SUMF1: variants seen among roughly 807,000 people sequenced by gnomAD.
SUMF1 encodes sulfatase modifying factor 1.
A neutral mutation model predicts 47.6 loss-of-function variants in SUMF1; 48 were observed. The ratio of observed to expected loss-of-function variants is 1.01; its 90% CI spans 0.80 to 1.28. The LOEUF (loss-of-function observed/expected upper bound fraction) is 1.28, where lower values mean the gene tolerates loss of function less well. Ranked by LOEUF, SUMF1 falls within the 50% of genes most tolerant of loss-of-function variation. The pLI is 0.00. For missense variants in SUMF1, 571 were observed against 485.4 expected, an observed-to-expected ratio of 1.18 and a Z score of -1.66; for synonymous variants, 230 against 192.1, an observed-to-expected ratio of 1.20 and a Z score of -1.63.
At chr3:4,205,498 A>G (rs1695631711) in intron 8 of SUMF1, among the ~76,000 whole-genome samples, 1 of 152,180 alleles carries the variant, frequency 6.6e-6, no homozygotes, top group Non-Finnish European at 1.5e-5. Context: ...ATGTCTGTGC[A>G]TTAAAGAGCT....
At chr3:4,218,104 C>G (rs1695978151) in intron 8 of SUMF1, among the ~76,000 whole-genome samples, 1 of 151,666 alleles carries the variant, frequency 6.6e-6, no homozygotes, top group African/African-American at 2.4e-5. Flanking sequence ...CTTTATTTTA[C>G]TTCTTTAAAA....
chr3:4,052,447 C>T (rs140494702), intron 9 of SUMF1, among the ~76,000 whole-genome samples: 23 of 152,318 alleles, frequency 1.5e-4, no homozygotes, highest in Admixed American at 1.2e-3. Flanking sequence ...GGCTAGCCCA[C>T]TGCTCTGGAC....
chr3:4,115,199 G>A (rs528343369), intron 8 of SUMF1, among the ~76,000 whole-genome samples: 1 of 152,158 alleles, frequency 6.6e-6, no homozygotes, highest in African/African-American at 2.4e-5. Flanking sequence ...ACAGCAGGAC[G>A]ACATGGAATT....
chr3:4,365,417 A>G (rs1445262636), intron 8 of SUMF1, among the ~76,000 whole-genome samples: 1 of 124,016 alleles, frequency 8.1e-6, no homozygotes, highest in Non-Finnish European at 1.9e-5. Context: ...GGGTGCATAT[A>G]TATTTAGGAT....
chr3:4,214,953 A>T (rs1008735043), intron 8 of SUMF1, among the ~76,000 whole-genome samples: 1 of 152,182 alleles, frequency 6.6e-6, no homozygotes, highest in African/African-American at 2.4e-5. Flanking sequence ...TTCACAGCCA[A>T]ATTCTATCAG....
At chr3:4,385,814 G>A (rs1328248833) in intron 7 of SUMF1, among the ~76,000 whole-genome samples, 4 of 152,142 alleles carry the variant, frequency 2.6e-5, no homozygotes, top group Non-Finnish European at 5.9e-5. Flanking sequence ...TGTAAGGTGT[G>A]AGACTAAGGT....
intron 9 of SUMF1, among the ~76,000 whole-genome samples, chr3:4,058,821 AC>A (rs1695232844): frequency 6.6e-6 from 1 of 152,104 alleles, no homozygotes; most frequent in East Asian, 1.9e-4. Context: ...CTAACCATTA[AC>A]CCAATGCCCC....
intron 8 of SUMF1, among the ~76,000 whole-genome samples, chr3:4,253,427 G>C (rs546074810): frequency 5.9e-5 from 9 of 152,336 alleles, no homozygotes; most frequent in African/African-American, 1.4e-4. Flanking sequence ...AGCGGAAGCA[G>C]GGCGAGGCAT....
chr3:4,130,837 T>C (rs921053261), intron 8 of SUMF1, among the ~76,000 whole-genome samples: 1 of 152,088 alleles, frequency 6.6e-6, no homozygotes, highest in African/African-American at 2.4e-5. Flanking sequence ...TTGAGTTGGG[T>C]CCAGAACAAG....
chr3:4,358,798 G>C (rs944614621), downstream of SUMF1, among the ~76,000 whole-genome samples: 1 of 152,154 alleles, frequency 6.6e-6, no homozygotes, highest in Non-Finnish European at 1.5e-5. Flanking sequence ...TCCCAGATCA[G>C]ATTTTTTACT....
intron 3 of SUMF1, among the ~76,000 whole-genome samples, chr3:4,420,948 A>G (rs1483536272): frequency 6.6e-6 from 1 of 152,134 alleles, no homozygotes; most frequent in Non-Finnish European, 1.5e-5. Flanking sequence ...CAAGTTCACT[A>G]CTTGTCTGGA....
intron 8 of SUMF1, among the ~76,000 whole-genome samples, chr3:4,123,315 A>C (rs1693585485): frequency 6.6e-6 from 1 of 152,154 alleles, no homozygotes; most frequent in Non-Finnish European, 1.5e-5. Context: ...CAGACACTTT[A>C]TCTCACAATT....
At chr3:4,144,155 C>T (rs1050689593) in intron 8 of SUMF1, among the ~76,000 whole-genome samples, 3 of 151,680 alleles carry the variant, frequency 2.0e-5, no homozygotes, top group African/African-American at 7.3e-5. Flanking sequence ...TTCGTAGAGA[C>T]GGGGTCTTAC....
intron 1 of SUMF1, among the ~76,000 whole-genome samples, chr3:4,464,646 T>C (rs929479975): frequency 1.3e-5 from 2 of 152,224 alleles, no homozygotes; most frequent in African/African-American, 2.4e-5. Context: ...TCCTGAAATA[T>C]TGGAGTTCCT....
intron 8 of SUMF1, among the ~76,000 whole-genome samples, chr3:4,306,660 C>T (rs546825247): frequency 2.6e-5 from 4 of 152,238 alleles, no homozygotes; most frequent in Non-Finnish European, 5.9e-5. Flanking sequence ...GCATTCAACT[C>T]GTTTTCTTCC....
chr3:4,082,070 T>C (rs1201910090), intron 8 of SUMF1, among the ~76,000 whole-genome samples: 1 of 152,156 alleles, frequency 6.6e-6, no homozygotes, highest in Non-Finnish European at 1.5e-5. Flanking sequence ...TAGATATTGA[T>C]CAAGCACATA....
chr3:4,251,328 G>C (rs1696797422), intron 8 of SUMF1, among the ~76,000 whole-genome samples: 1 of 152,194 alleles, frequency 6.6e-6, no homozygotes, highest in Non-Finnish European at 1.5e-5. Flanking sequence ...ATGAGGAGTT[G>C]CTTCTTATGG....
intron 8 of SUMF1, among the ~76,000 whole-genome samples, chr3:4,304,617 T>C (rs188045490): frequency 1.3e-3 from 200 of 152,290 alleles, no homozygotes; most frequent in South Asian, 2.5e-3. Context: ...AAAATGAAAA[T>C]AATAATTTAA....
At chr3:4,381,014 G>A (rs1447196301) in intron 7 of SUMF1, among the ~76,000 whole-genome samples, 1 of 152,158 alleles carries the variant, frequency 6.6e-6, no homozygotes, top group Non-Finnish European at 1.5e-5. Context: ...GGGGTAGCCA[G>A]CCTGCTCACG....
Sources: allele counts gnomAD v4.1 joint callset (sites outside exome capture counted in the v4.1 genomes callset), GRCh38; gene constraint gnomAD v4.1.1; transcripts MANE v1.5; gene names NCBI Gene and HGNC (gene_info 2026-07-23, HGNC 2026-07-21).